The following NEGR1 variants were observed in gnomAD, a reference collection of about 807,000 sequenced individuals.
NEGR1 encodes IgLON family member 4.
A neutral mutation model predicts 40.9 loss-of-function variants in NEGR1; 10 were observed. The ratio of observed to expected loss-of-function variants is 0.24; its 90% confidence interval spans 0.15 to 0.42. The LOEUF (loss-of-function observed/expected upper bound fraction) is 0.42. NEGR1 is among the 10% of genes least tolerant of loss of function. The pLI, the probability that NEGR1 is intolerant of heterozygous loss-of-function variation, is 1.00. For missense variants in NEGR1, 352 were observed against 438.9 expected (o/e 0.80, Z 1.77); for synonymous variants, 185 against 166.8 (o/e 1.11, Z -0.84).
intron 6 of NEGR1, among the ~76,000 whole-genome samples, chr1:71,408,155 T>C (rs1460471605): frequency 6.6e-6 from 1 of 151,864 alleles, no homozygotes; most frequent in Non-Finnish European, 1.5e-5. Flanking sequence ...TCAAATACAG[T>C]TTTACTAAAG....
Position 71,503,147 on chromosome 1 carries a change from T to G in NEGR1, c.940+89670A>C, listed in dbSNP as rs1242699724. Among the ~76,000 whole-genome samples the G allele has an allele frequency of 1.8e-4, 28 of 152,140 alleles. 1 individual carries two copies. The highest frequency in any genetic ancestry group is 1.8e-3 in the Admixed American group (28 of 15,274). ...CAAGGAAAAGTTAAAGATAATAAAG[T>G]ATTGCTGTTTTATCTGGCCTAAAGA... On this transcript the variant is annotated intron_variant, in intron 6 of 6. Transcript: ENST00000357731.
chr1:71,527,711 G>T (rs904510310), intron 6 of NEGR1, among the ~76,000 whole-genome samples: 2 of 150,854 alleles, frequency 1.3e-5, no homozygotes, highest in African/African-American at 4.9e-5. Context: ...ACTTATGGAG[G>T]AAAGATAATC....
At chr1:71,496,052 A>C (rs192209542) in intron 6 of NEGR1, among the ~76,000 whole-genome samples, 15 of 152,274 alleles carry the variant, frequency 9.9e-5, no homozygotes, top group African/African-American at 2.9e-4. Context: ...GAGCAAGACC[A>C]TCTACATGCT....
intron 3 of NEGR1, among the ~76,000 whole-genome samples, chr1:71,721,212 T>A (rs574714547): frequency 4.5e-4 from 69 of 152,266 alleles, no homozygotes; most frequent in Admixed American, 1.1e-3. Context: ...ATTTTTTTCT[T>A]TGAAAACTTA....
At chr1:71,872,886 T>C (rs1393661982) in intron 2 of NEGR1, among the ~76,000 whole-genome samples, 2 of 152,112 alleles carry the variant, frequency 1.3e-5, no homozygotes, top group East Asian at 3.9e-4. Flanking sequence ...GTGGACATTG[T>C]TGTTCTCTCT....
intron 6 of NEGR1, among the ~76,000 whole-genome samples, chr1:71,453,559 G>A (rs774029316): frequency 1.2e-4 from 19 of 152,108 alleles, no homozygotes; most frequent in Admixed American, 3.9e-4. Context: ...CAAGACGGGC[G>A]AGAAATAGAA....
At chr1:71,497,866 CAG>C (rs1447276254) in intron 6 of NEGR1, among the ~76,000 whole-genome samples, 8 of 152,018 alleles carry the variant, frequency 5.3e-5, no homozygotes, top group Non-Finnish European at 8.8e-5. Context: ...TCATTCAAGA[CAG>C]AATGCGAAAC....
intron 6 of NEGR1, chr1:71,422,816 G>A (rs909686996): frequency 6.6e-6 from 1 of 152,204 alleles, no homozygotes; most frequent in African/African-American, 2.4e-5. Flanking sequence ...ATGACTGAAA[G>A]CAGCATCAGA....
chr1:72,146,601 G>T (rs1024418069), intron 1 of NEGR1, among the ~76,000 whole-genome samples: 3 of 151,708 alleles, frequency 2.0e-5, no homozygotes, highest in African/African-American at 7.3e-5. Flanking sequence ...TTATCTCCAG[G>T]CCATATTTAT....
At chr1:72,208,838 TG>T (rs1244154351) in intron 1 of NEGR1, among the ~76,000 whole-genome samples, 1 of 151,722 alleles carries the variant, frequency 6.6e-6, no homozygotes, top group East Asian at 1.9e-4. Flanking sequence ...GGAAATAATT[TG>T]GTACTTTTGA....
intron 2 of NEGR1, among the ~76,000 whole-genome samples, chr1:71,903,764 C>A (rs1298575606): frequency 6.6e-6 from 1 of 151,674 alleles, no homozygotes; most frequent in Non-Finnish European, 1.5e-5. Flanking sequence ...ACATAGCCCT[C>A]TTATTACTAC....
At chr1:72,128,407 T>G (rs1650112298) in intron 1 of NEGR1, among the ~76,000 whole-genome samples, 1 of 152,262 alleles carries the variant, frequency 6.6e-6, no homozygotes, top group South Asian at 2.1e-4. Context: ...AAAAATTGAA[T>G]TGCTGTCCTC....
At chr1:71,845,529 C>T (rs1008671533) in intron 2 of NEGR1, among the ~76,000 whole-genome samples, 4 of 152,098 alleles carry the variant, frequency 2.6e-5, no homozygotes, top group African/African-American at 9.7e-5. Flanking sequence ...AAACTAAGTA[C>T]TTAGAAATAA....
At chr1:72,063,955 C>T (rs1047576910) in intron 1 of NEGR1, among the ~76,000 whole-genome samples, 1 of 151,706 alleles carries the variant, frequency 6.6e-6, no homozygotes. Flanking sequence ...TAAAATAATG[C>T]TCAGTGATGG....
At chr1:71,899,070 T>G (rs1272114126) in intron 2 of NEGR1, among the ~76,000 whole-genome samples, 2 of 144,640 alleles carry the variant, frequency 1.4e-5, no homozygotes, top group Non-Finnish European at 3.0e-5. Flanking sequence ...AGGACTTCCA[T>G]GGAAAAGATT....
At chr1:71,598,609 C>T (rs182262438) in intron 5 of NEGR1, among the ~76,000 whole-genome samples, 7 of 152,148 alleles carry the variant, frequency 4.6e-5, no homozygotes, top group Non-Finnish European at 8.8e-5. Context: ...CTCTCAGCAT[C>T]AATTACTGTT....
At chr1:72,044,058 C>CG (rs1211948860) in intron 1 of NEGR1, among the ~76,000 whole-genome samples, 4 of 151,534 alleles carry the variant, frequency 2.6e-5, no homozygotes, top group Admixed American at 6.6e-5. Flanking sequence ...GTTGTAAAGA[C>CG]CCCCCCATAC....
At position 71,967,229 on chromosome 1, in the gene NEGR1, G is replaced by T. The variant is rs113141139; in HGVS notation, c.177-31918C>A. On this transcript the variant is annotated intron_variant, in intron 1 of 6. Coordinates refer to ENST00000357731, the MANE Select transcript of NEGR1 (RefSeq NM_173808.3). ...TGAATGAAGAACTGATATTATACTT[G>T]CAAAATTCAAATAAATGCCACAACT... Among the ~76,000 whole-genome samples the T allele has an allele frequency of 1.9e-3, 296 of 152,232 alleles. 2 individuals are homozygous for T. Among genetic ancestry groups the T allele is most frequent in the African/African-American group, 6.8e-3 (281 of 41,542 alleles).
At chr1:72,218,831 C>T (rs1314250107) in intron 1 of NEGR1, among the ~76,000 whole-genome samples, 1 of 152,024 alleles carries the variant, frequency 6.6e-6, no homozygotes, top group Non-Finnish European at 1.5e-5. Flanking sequence ...CTATTTGTTG[C>T]AGTCTTGAAA....
Sources: gnomAD v4.1 joint callset for allele counts (sites outside exome capture counted in the v4.1 genomes callset) on GRCh38, gnomAD v4.1.1 for gene constraint, MANE v1.5 for transcripts, NCBI Gene and HGNC (gene_info 2026-07-23, HGNC 2026-07-21) for gene names.